Variants in TMEM61 observed in about 807,000 individuals in gnomAD.
TMEM61 encodes the protein transmembrane protein 61.
TMEM61 carries 13 observed loss-of-function variants against 12.0 expected under a neutral mutation model. The observed-to-expected ratio is 1.08, with a 90% CI of 0.70 to 1.72. TMEM61 has a LOEUF of 1.72. Ranked by LOEUF, TMEM61 falls within the 40% of genes most tolerant of loss-of-function variation. TMEM61 has a pLI of 0.00. For missense variants in TMEM61, 249 were observed against 276.9 expected (o/e 0.90, Z 0.71); for synonymous variants, 109 against 121.4 (o/e 0.90, Z 0.67).
At chr1:54,987,580 A>G (rs1397165658) in intron 2 of TMEM61, among the ~76,000 whole-genome samples, 1 of 152,234 alleles carries the variant, frequency 6.6e-6, no homozygotes, top group East Asian at 1.9e-4. Flanking sequence ...TGCATGTATT[A>G]TGCATGCCCT....
chr1:54,986,452 C>T lies in TMEM61; in HGVS notation c.365+6C>T. Reference sequence around the variant, plus strand: ...TCAGAGAAGGAGAGCTGCAGGTCAGCAGGGCGGGGTGTGGCAGCGGGTGGG... The same window carrying T: ...TCAGAGAAGGAGAGCTGCAGGTCAGTAGGGCGGGGTGTGGCAGCGGGTGGG... On this transcript the variant is annotated splice_donor_region_variant and intron_variant, in intron 2 of 2. Coordinates refer to ENST00000371268, the MANE Select transcript of TMEM61 (RefSeq NM_182532.3). The T allele has an allele frequency of 6.5e-7, 1 of 1,545,224 alleles. No individual in the cohort carries two copies. Among genetic ancestry groups the T allele is most frequent in the Non-Finnish European group, 8.8e-7 (1 of 1,139,518 alleles).
At chr1:54,985,484 G>A (rs1033777834) in intron 1 of TMEM61, among the ~76,000 whole-genome samples, 10 of 152,194 alleles carry the variant, frequency 6.6e-5, no homozygotes, top group Non-Finnish European at 1.2e-4. Flanking sequence ...TGATCTGCCC[G>A]CCTTGGCCTC....
intron 1 of TMEM61, among the ~76,000 whole-genome samples, chr1:54,984,093 G>A (rs1644242714): frequency 1.3e-5 from 2 of 152,108 alleles, no homozygotes; most frequent in Non-Finnish European, 2.9e-5. Flanking sequence ...AACACATTTG[G>A]TAACATGCCC....
intron 2 of TMEM61, 46 bp downstream of exon 2, chr1:54,986,492 G>C: frequency 6.9e-7 from 1 of 1,456,968 alleles, no homozygotes; most frequent in Non-Finnish European, 9.3e-7. Flanking sequence ...GCAGGTAGGG[G>C]CCCAGTCACA....
intron 1 of TMEM61, among the ~76,000 whole-genome samples, chr1:54,985,862 T>G (rs1250982898): frequency 6.6e-6 from 1 of 152,226 alleles, no homozygotes; most frequent in Non-Finnish European, 1.5e-5. Context: ...GTGGTCATAC[T>G]TAGCTCCTGA....
chr1:54,986,530 C>A, intron 2 of TMEM61, 84 bp downstream of exon 2: 1 of 1,221,430 alleles, frequency 8.2e-7, no homozygotes, highest in Non-Finnish European at 1.1e-6. Context: ...ATTTGTAATT[C>A]CAGCAAATTC....
intron 1 of TMEM61, among the ~76,000 whole-genome samples, chr1:54,984,528 G>A (rs763822293): frequency 6.6e-6 from 1 of 152,190 alleles, no homozygotes; most frequent in African/African-American, 2.4e-5. Context: ...CTTCACAACT[G>A]TGAGGGTGGA....
chr1:54,989,321 CCAGGG>C (rs1644280361), intron 2 of TMEM61, among the ~76,000 whole-genome samples: 1 of 152,160 alleles, frequency 6.6e-6, no homozygotes, highest in Admixed American at 6.5e-5. Context: ...CCTCTACCCC[CCAGGG>C]TGGTTGTGAA....
chr1:54,983,572 G>A (rs551907396), intron 1 of TMEM61, among the ~76,000 whole-genome samples: 36 of 152,294 alleles, frequency 2.4e-4, no homozygotes, highest in African/African-American at 8.4e-4. Context: ...GAACCCTGCT[G>A]TACCTGGCTT....
intron 1 of TMEM61, among the ~76,000 whole-genome samples, chr1:54,985,745 C>G (rs1191091161): frequency 7.3e-6 from 1 of 136,956 alleles, no homozygotes; most frequent in East Asian, 2.1e-4. Flanking sequence ...TTCCAACATG[C>G]GTTACTTTTC....
chr1:54,981,162 C>T, intron 1 of TMEM61, 82 bp downstream of exon 1: 3 of 1,478,750 alleles, frequency 2.0e-6, no homozygotes, highest in Non-Finnish European at 2.7e-6. Flanking sequence ...CTTCCCCTAA[C>T]CTCGGTCACC....
rs370100473 is a variant in TMEM61, at chr1:54,986,838, G to T, written c.365+392G>T. ...CCTGTTCTGGTTCTATCACAAACTAGCAGTGGGACTTTGAGTAGGTCATGC... is the reference window on the plus strand; with the variant it reads ...CCTGTTCTGGTTCTATCACAAACTATCAGTGGGACTTTGAGTAGGTCATGC... On this transcript the variant is annotated intron_variant, in intron 2 of 2. Coordinates refer to ENST00000371268, the MANE Select transcript of TMEM61 (RefSeq NM_182532.3). Among the ~76,000 whole-genome samples the T allele has an allele frequency of 1.3e-4, 20 of 152,308 alleles. No homozygotes were observed. In the East Asian group the frequency reaches 1.5e-3, roughly 12 times the overall value.
intron 2 of TMEM61, among the ~76,000 whole-genome samples, chr1:54,987,330 G>A (rs1644267492): frequency 6.6e-6 from 1 of 152,172 alleles, no homozygotes; most frequent in African/African-American, 2.4e-5. Flanking sequence ...ACAAAGGTAT[G>A]GGGTTGGGGA....
intron 1 of TMEM61, 109 bp downstream of exon 1, chr1:54,981,189 T>G (rs1570254984): frequency 7.8e-7 from 1 of 1,275,528 alleles, no homozygotes; most frequent in Non-Finnish European, 1.1e-6. Flanking sequence ...TGGTGGGCAG[T>G]GTGGACACCC....
At position 54,986,229 on chromosome 1, in the gene TMEM61, C is replaced by T. The variant is rs777711469; in HGVS notation, c.148C>T (p.Leu50=). ...GGATGCAACCGCCCAGCCTGGCCAG[C>T]TGGCCCCACCCACGGAGTATCCGGT... ...EGDATAQPGQ[L]APPTEYPVPE... Residue 50 remains leucine, a synonymous_variant, in exon 2 of 3, where the codon CTG becomes TTG. Transcript: ENST00000371268. The T allele has an allele frequency of 2.5e-6, 4 of 1,613,784 alleles. No homozygotes were observed. In the South Asian group the frequency reaches 4.4e-5, roughly 18 times the overall value.
intron 1 of TMEM61, among the ~76,000 whole-genome samples, chr1:54,985,462 C>T (rs143463930): frequency 0.016 from 2,384 of 152,302 alleles, 62 homozygotes; most frequent in African/African-American, 0.054. Context: ...GTCTCGAACT[C>T]CTGACCTCAG....
At chr1:54,986,606 C>T (rs897202660) in intron 2 of TMEM61, among the ~76,000 whole-genome samples, 160 bp downstream of exon 2, 6 of 152,180 alleles carry the variant, frequency 3.9e-5, no homozygotes, top group Non-Finnish European at 7.3e-5. Context: ...CTGATCAGTA[C>T]AGCCCTGAAG....
intron 1 of TMEM61, 55 bp from the exon 2 acceptor site, chr1:54,986,042 C>G: frequency 1.3e-6 from 2 of 1,488,440 alleles, no homozygotes; most frequent in Non-Finnish European, 1.8e-6. Flanking sequence ...AACACCTGGC[C>G]TCCAGCACCT....
At chr1:54,989,485 G>A (rs943070050) in intron 2 of TMEM61, among the ~76,000 whole-genome samples, 2 of 152,220 alleles carry the variant, frequency 1.3e-5, no homozygotes, top group African/African-American at 4.8e-5. Flanking sequence ...CAAAGATTGG[G>A]GTGAGCCCTA....
Sources: allele counts gnomAD v4.1 joint callset (sites outside exome capture counted in the v4.1 genomes callset), GRCh38; gene constraint gnomAD v4.1.1; transcripts MANE v1.5; gene names NCBI Gene and HGNC (gene_info 2026-07-23, HGNC 2026-07-21).